Variants in CWF19L2 observed in about 807,000 individuals in gnomAD.
The protein encoded by CWF19L2 is CWF19-like protein 2.
A neutral mutation model predicts 111.7 loss-of-function variants in CWF19L2; 98 were observed. The observed-to-expected ratio is 0.88, with a 90% CI of 0.75 to 1.04. The LOEUF (loss-of-function observed/expected upper bound fraction) is 1.04. Among genes scored for constraint, CWF19L2 ranks in the 50% least tolerant of loss-of-function variants. CWF19L2 has a pLI of 0.00. For missense variants in CWF19L2, 1,101 were observed against 1,051.4 expected (o/e 1.05, Z -0.65); for synonymous variants, 351 against 342.9 (o/e 1.02, Z -0.26).
intron 12 of CWF19L2, among the ~76,000 whole-genome samples, chr11:107,367,254 T>A (rs1318658987): frequency 7.4e-6 from 1 of 134,552 alleles, no homozygotes; most frequent in Admixed American, 7.4e-5. Context: ...TCAACCATTG[T>A]GGAAGTCAGT....
intron 16 of CWF19L2, among the ~76,000 whole-genome samples, chr11:107,330,720 C>T (rs1022980924): frequency 3.3e-5 from 5 of 149,924 alleles, no homozygotes; most frequent in South Asian, 4.3e-4. Flanking sequence ...GGAAAAGCCA[C>T]AAATTCTTGT....
At chr11:107,451,623 G>A (rs769974216) in intron 3 of CWF19L2, among the ~76,000 whole-genome samples, 1 of 152,004 alleles carries the variant, frequency 6.6e-6, no homozygotes, top group Non-Finnish European at 1.5e-5. Flanking sequence ...TATGGATTCC[G>A]TAAACATTAA....
At chr11:107,423,317 T>C (rs932312738) in intron 8 of CWF19L2, among the ~76,000 whole-genome samples, 3 of 151,992 alleles carry the variant, frequency 2.0e-5, no homozygotes, top group African/African-American at 7.2e-5. Context: ...AATTCCCTGC[T>C]TTAAAAACTT....
intron 8 of CWF19L2, among the ~76,000 whole-genome samples, chr11:107,421,103 A>T (rs868528002): frequency 6.6e-6 from 1 of 152,110 alleles, no homozygotes; most frequent in Non-Finnish European, 1.5e-5. Flanking sequence ...ATGTTCTTTT[A>T]TCACAATGAA....
intron 3 of CWF19L2, among the ~76,000 whole-genome samples, chr11:107,446,846 C>T (rs936670551): frequency 7.2e-5 from 11 of 152,272 alleles, no homozygotes; most frequent in South Asian, 6.2e-4. Flanking sequence ...TTGATGCTCC[C>T]CATGCTACGA....
At chr11:107,403,576 ACTCT>A (rs768766365) in intron 10 of CWF19L2, 4 of 787,140 alleles carry the variant, frequency 5.1e-6, no homozygotes, top group Non-Finnish European at 9.3e-6. Flanking sequence ...CATTCTGTTG[ACTCT>A]CTGTCGTTTC....
chr11:107,363,681 A>T (rs1213854270), intron 12 of CWF19L2, among the ~76,000 whole-genome samples: 1 of 109,890 alleles, frequency 9.1e-6, no homozygotes, highest in Non-Finnish European at 1.8e-5. Flanking sequence ...AGTGCTAAAC[A>T]TGGAAAGGAA....
Position 107,442,929 on chromosome 11 carries a change from G to C in CWF19L2, c.450+10C>G. The C allele has an allele frequency of 6.7e-7, 1 of 1,489,770 alleles. No individual in the cohort carries two copies. Among genetic ancestry groups the C allele is most frequent in the Non-Finnish European group, 9.2e-7 (1 of 1,090,620 alleles). The allele number at this position is 1,489,770 out of a possible 1,614,324, so 92.3% of individuals were successfully genotyped here. ...GAAAGCAAGGAAGGAAAATCAAGTG[G>C]CTTGCTTACCTTGATAATTTGGGTG... On this transcript the variant is annotated intron_variant, in intron 4 of 17. Coordinates refer to ENST00000282251, the MANE Select transcript of CWF19L2 (RefSeq NM_152434.3).
chr11:107,338,588 T>C (rs1425793216), intron 14 of CWF19L2, among the ~76,000 whole-genome samples: 13 of 152,020 alleles, frequency 8.6e-5, no homozygotes, highest in Non-Finnish European at 1.6e-4. Context: ...ACCGACAGGC[T>C]CCAGTGTGTG....
chr11:107,345,873 G>C (rs1358472192), intron 14 of CWF19L2, among the ~76,000 whole-genome samples: 1 of 152,142 alleles, frequency 6.6e-6, no homozygotes, highest in African/African-American at 2.4e-5. Context: ...AATCAAAACT[G>C]TTTTATATTT....
rs144087320 is a variant in CWF19L2 at position 107,368,384 on chromosome 11, C to T, written c.1873-14648G>A. ...AAACATAAAACCTTCCAAGATTGAA[C>T]GAACCACTGGCCTTTCTTCCCTATC... On this transcript the variant is annotated intron_variant, in intron 12 of 17. Transcript: ENST00000282251. Among the ~76,000 whole-genome samples the T allele has an allele frequency of 1.8e-4, 25 of 137,456 alleles. 6 individuals are homozygous for T. Among genetic ancestry groups the T allele is most frequent in the African/African-American group, 5.8e-4 (20 of 34,526 alleles). The allele number at this position is 137,456 out of a possible 152,430, so 90.2% of individuals were successfully genotyped here.
At chr11:107,434,686 A>G (rs796619731) in intron 6 of CWF19L2, among the ~76,000 whole-genome samples, 2 of 138,432 alleles carry the variant, frequency 1.4e-5, no homozygotes, top group Admixed American at 7.0e-5. Flanking sequence ...AAAAAAAAAA[A>G]AAAGAAAAAA....
intron 1 of CWF19L2, 87 bp downstream of exon 1, chr11:107,457,625 G>T: frequency 2.1e-6 from 2 of 938,910 alleles, no homozygotes; most frequent in Non-Finnish European, 3.4e-6. Context: ...TACTGACGAG[G>T]TAAGGGAAGG....
intron 12 of CWF19L2, among the ~76,000 whole-genome samples, chr11:107,378,839 T>C (rs1453854721): frequency 6.9e-6 from 1 of 143,976 alleles, no homozygotes; most frequent in Non-Finnish European, 1.6e-5. Context: ...TAAATATATA[T>C]TGTAACAAAA....
At chr11:107,361,700 T>G (rs979228760) in intron 12 of CWF19L2, among the ~76,000 whole-genome samples, 1 of 152,224 alleles carries the variant, frequency 6.6e-6, no homozygotes, top group Non-Finnish European at 1.5e-5. Context: ...CCTCCTTGGT[T>G]AAATATATTC....
chr11:107,436,823 A>T (rs1323408968), intron 6 of CWF19L2, among the ~76,000 whole-genome samples: 2 of 152,198 alleles, frequency 1.3e-5, no homozygotes, highest in South Asian at 4.1e-4. Context: ...CACGACTACC[A>T]GAAAAATTAC....
At chr11:107,413,892 G>A (rs1274511725) in intron 10 of CWF19L2, among the ~76,000 whole-genome samples, 1 of 152,138 alleles carries the variant, frequency 6.6e-6, no homozygotes, top group Non-Finnish European at 1.5e-5. Flanking sequence ...TTTGAGAACA[G>A]ACCTTTAAAA....
At chr11:107,436,358 C>T (rs1861541644) in intron 6 of CWF19L2, among the ~76,000 whole-genome samples, 1 of 152,090 alleles carries the variant, frequency 6.6e-6, no homozygotes. Flanking sequence ...CCATCATATG[C>T]TTCCATCATA....
intron 14 of CWF19L2, among the ~76,000 whole-genome samples, chr11:107,338,643 C>G (rs997157543): frequency 4.6e-5 from 7 of 152,122 alleles, no homozygotes; most frequent in Non-Finnish European, 1.0e-4. Context: ...TCATTTAGCT[C>G]CCATTTATAA....
Sources: gnomAD v4.1 joint callset for allele counts (sites outside exome capture counted in the v4.1 genomes callset) on GRCh38, gnomAD v4.1.1 for gene constraint, MANE v1.5 for transcripts, NCBI Gene and HGNC (gene_info 2026-07-23, HGNC 2026-07-21) for gene names.